The following GPC5 variants were observed in gnomAD, a reference collection of about 807,000 sequenced individuals.
GPC5 encodes glypican-5.
A neutral mutation model predicts 53.9 loss-of-function variants in GPC5; 47 were observed. The ratio of observed to expected loss-of-function variants is 0.87; its 90% CI spans 0.69 to 1.11. GPC5 has a LOEUF of 1.11. Ranked by LOEUF, GPC5 falls within the 50% of genes most tolerant of loss-of-function variation. GPC5 has a pLI of 0.00. For synonymous variants in GPC5, 286 were observed against 263.3 expected (o/e 1.09, Z -0.84); for missense variants, 748 against 713.1 (o/e 1.05, Z -0.56).
intron 7 of GPC5, among the ~76,000 whole-genome samples, chr13:92,731,483 G>T (rs1888802209): frequency 6.6e-6 from 1 of 151,246 alleles, no homozygotes; most frequent in African/African-American, 2.4e-5. Flanking sequence ...AAAGAAAAAA[G>T]GAAATAAACA....
intron 7 of GPC5, among the ~76,000 whole-genome samples, chr13:92,799,476 T>A (rs1027473970): frequency 6.6e-6 from 1 of 151,788 alleles, no homozygotes; most frequent in Non-Finnish European, 1.5e-5. Context: ...TAAGAAATGG[T>A]GCATGTGGCA....
intron 6 of GPC5, among the ~76,000 whole-genome samples, chr13:91,991,010 A>C (rs987115112): frequency 2.0e-5 from 3 of 152,188 alleles, no homozygotes; most frequent in Admixed American, 6.5e-5. Flanking sequence ...ATGGTAGCGG[A>C]AAGTGTGCTT....
intron 5 of GPC5, among the ~76,000 whole-genome samples, chr13:91,840,254 T>C (rs887324375): frequency 5.9e-5 from 9 of 152,156 alleles, no homozygotes; most frequent in African/African-American, 2.2e-4. Flanking sequence ...AGTTTTGAGA[T>C]CCGGCACTTT....
At chr13:92,706,997 C>T (rs1012846610) in intron 7 of GPC5, among the ~76,000 whole-genome samples, 15 of 152,096 alleles carry the variant, frequency 9.9e-5, no homozygotes, top group Non-Finnish European at 1.9e-4. Flanking sequence ...TCTGCATGTA[C>T]ACACCAAGGA....
intron 2 of GPC5, among the ~76,000 whole-genome samples, chr13:91,663,893 C>G (rs2035043635): frequency 6.6e-6 from 1 of 152,084 alleles, no homozygotes; most frequent in African/African-American, 2.4e-5. Context: ...CCCAGGCCGG[C>G]CTTGCACTCG....
intron 7 of GPC5, among the ~76,000 whole-genome samples, chr13:92,268,531 A>G (rs2042817938): frequency 6.6e-6 from 1 of 152,016 alleles, no homozygotes. Context: ...AGATGTTTAT[A>G]ATAAATTATT....
intron 7 of GPC5, among the ~76,000 whole-genome samples, chr13:92,384,920 C>T (rs2043779758): frequency 6.6e-6 from 1 of 152,076 alleles, no homozygotes; most frequent in Non-Finnish European, 1.5e-5. Flanking sequence ...CCATCACCAC[C>T]TTTGACTTTG....
intron 5 of GPC5, among the ~76,000 whole-genome samples, chr13:91,760,382 T>A (rs1213294754): frequency 2.0e-5 from 3 of 152,174 alleles, no homozygotes; most frequent in African/African-American, 7.2e-5. Context: ...TAAGCAATCC[T>A]CACATGTGAG....
At chr13:92,386,081 C>A (rs1874704488) in intron 7 of GPC5, among the ~76,000 whole-genome samples, 1 of 151,780 alleles carries the variant, frequency 6.6e-6, no homozygotes, top group Non-Finnish European at 1.5e-5. Flanking sequence ...GCAAACCTAG[C>A]AAGACATAGT....
chr13:92,690,681 T>TC (rs1887356159), intron 7 of GPC5, among the ~76,000 whole-genome samples: 1 of 140,904 alleles, frequency 7.1e-6, no homozygotes. Context: ...TTCTGTTTTT[T>TC]CCCCATCTTT....
At chr13:92,480,101 G>A (rs1234593597) in intron 7 of GPC5, among the ~76,000 whole-genome samples, 1 of 152,060 alleles carries the variant, frequency 6.6e-6, no homozygotes, top group Non-Finnish European at 1.5e-5. Context: ...AGCCTGGGAA[G>A]CCTAGAGCCC....
intron 7 of GPC5, among the ~76,000 whole-genome samples, chr13:92,267,680 CA>C (rs1320967938): frequency 6.6e-6 from 1 of 151,396 alleles, no homozygotes; most frequent in Non-Finnish European, 1.5e-5. Flanking sequence ...TAGAATATGG[CA>C]AACTGCATTC....
At chr13:92,576,535 C>T (rs1032648001) in intron 7 of GPC5, among the ~76,000 whole-genome samples, 41 of 152,124 alleles carry the variant, frequency 2.7e-4, no homozygotes, top group African/African-American at 9.4e-4. Flanking sequence ...CAGAATATTG[C>T]TTAAATATCC....
chr13:91,899,101 C>T (rs1204420014), intron 5 of GPC5, among the ~76,000 whole-genome samples: 3 of 152,142 alleles, frequency 2.0e-5, no homozygotes, highest in Non-Finnish European at 4.4e-5. Flanking sequence ...TCAACACCTT[C>T]ATAATAAACT....
Position 91,650,750 on chromosome 13 carries a change from G to GTTTTGTTTTTTTTTTTTT in GPC5, c.326-42433_326-42432insGTTTTTTTTTTTTTTTTT, listed in dbSNP as rs1555333961. On this transcript the variant is annotated intron_variant, in intron 2 of 7. Transcript: ENST00000377067. ...CATCTGTGAAACAAAATTCCCATAA[G>GTTTTGTTTTTTTTTTTTT]TTTTTTTTTTTTTTTTTTTTTTAGC... Among the ~76,000 whole-genome samples, 26 of 99,594 alleles carry GTTTTGTTTTTTTTTTTTT rather than the reference G, an allele frequency of 2.6e-4. 1 individual carries two copies. The highest frequency in any genetic ancestry group is 1.1e-3 in the African/African-American group (26 of 24,662). 65.3% of individuals were successfully genotyped at this position (99,594 alleles called of 152,430 possible).
intron 7 of GPC5, among the ~76,000 whole-genome samples, chr13:92,321,351 G>C (rs1177841745): frequency 6.6e-6 from 1 of 152,162 alleles, no homozygotes; most frequent in Admixed American, 6.6e-5. Context: ...CCCAACACTT[G>C]GGGAAGCCAA....
At chr13:92,611,973 G>A (rs1433143852) in intron 7 of GPC5, among the ~76,000 whole-genome samples, 1 of 152,064 alleles carries the variant, frequency 6.6e-6, no homozygotes, top group Non-Finnish European at 1.5e-5. Context: ...GCGTACCAGG[G>A]AGAATATTTT....
At position 92,388,301 on chromosome 13, in the gene GPC5, A is replaced by G. The variant is rs191858614; in HGVS notation, c.1561+243312A>G. Among the ~76,000 whole-genome samples, 639 of 152,172 alleles carry G rather than the reference A, an allele frequency of 4.2e-3. 1 individual carries two copies. Among genetic ancestry groups the G allele is most frequent in the Non-Finnish European group, 6.9e-3 (467 of 67,944 alleles). ...TATATAAGAGTGGAAATGGATTTCT[A>G]TATCTGATATTTTTGCTAGAAAAAA... On this transcript the variant is annotated intron_variant, in intron 7 of 7. Coordinates refer to ENST00000377067, the MANE Select transcript of GPC5 (RefSeq NM_004466.6).
chr13:92,085,018 T>A (rs1308161693), intron 6 of GPC5, among the ~76,000 whole-genome samples: 10 of 152,170 alleles, frequency 6.6e-5, no homozygotes, highest in Admixed American at 5.9e-4. Context: ...TGTCCTTACA[T>A]GGTGGAAGGG....
Sources: allele counts gnomAD v4.1 joint callset (sites outside exome capture counted in the v4.1 genomes callset), GRCh38; gene constraint gnomAD v4.1.1; transcripts MANE v1.5; gene names NCBI Gene and HGNC (gene_info 2026-07-23, HGNC 2026-07-21).